Variants in NELL1 observed in about 807,000 individuals in gnomAD.
The protein encoded by NELL1 is protein kinase C-binding protein NELL1.
Under a neutral mutation model 107.4 loss-of-function variants are expected in NELL1, and 76 were observed. The ratio of observed to expected loss-of-function variants is 0.71; its 90% CI spans 0.59 to 0.86. The LOEUF is 0.86. Among genes scored for constraint, NELL1 ranks in the 40% least tolerant of loss-of-function variants. The probability of loss-of-function intolerance (pLI) is 0.00; values close to 1 mark genes in which losing one functional copy is unlikely to be tolerated. For missense variants in NELL1, 1,024 were observed against 1,005.5 expected (o/e 1.02, Z -0.25); for synonymous variants, 353 against 341.2 (o/e 1.03, Z -0.38).
intron 9 of NELL1, among the ~76,000 whole-genome samples, chr11:20,934,920 A>AAGGACCTATCC (rs1382697424): frequency 2.0e-5 from 3 of 152,218 alleles, no homozygotes; most frequent in Non-Finnish European, 4.4e-5. Flanking sequence ...GAAGGGAGGA[A>AAGGACCTATCC]AGGACCTATC....
chr11:20,786,961 T>G (rs1330285683), intron 3 of NELL1, among the ~76,000 whole-genome samples: 5 of 120,168 alleles, frequency 4.2e-5, no homozygotes, highest in Non-Finnish European at 8.0e-5. Context: ...TGAGCCGAGA[T>G]GGCGCCACTG....
intron 2 of NELL1, among the ~76,000 whole-genome samples, chr11:20,690,793 A>C (rs1286101672): frequency 6.6e-6 from 1 of 150,772 alleles, no homozygotes; most frequent in Non-Finnish European, 1.5e-5. Context: ...TATGAACTTT[A>C]AAGTAGTTTT....
chr11:21,420,815 G>T (rs968635437), intron 15 of NELL1, among the ~76,000 whole-genome samples: 1 of 152,102 alleles, frequency 6.6e-6, no homozygotes, highest in African/African-American at 2.4e-5. Flanking sequence ...CTTCAAAATG[G>T]CAGTATCCCA....
intron 4 of NELL1, among the ~76,000 whole-genome samples, chr11:20,858,726 G>A (rs955904194): frequency 6.6e-6 from 1 of 152,174 alleles, no homozygotes; most frequent in Non-Finnish European, 1.5e-5. Context: ...TAGCCCCCTG[G>A]GGGTGGGGAG....
At chr11:20,791,557 T>C (rs1164842536) in intron 3 of NELL1, among the ~76,000 whole-genome samples, 1 of 152,142 alleles carries the variant, frequency 6.6e-6, no homozygotes, top group Admixed American at 6.5e-5. Flanking sequence ...TGCTGCCTGT[T>C]AGTTCATTTT....
chr11:21,168,109 A>G (rs1457285684), intron 13 of NELL1, among the ~76,000 whole-genome samples: 2 of 151,846 alleles, frequency 1.3e-5, no homozygotes, highest in Non-Finnish European at 2.9e-5. Context: ...GAAAATATCT[A>G]GAACACAATT....
intron 5 of NELL1, among the ~76,000 whole-genome samples, chr11:20,886,459 A>T (rs1443594614): frequency 6.6e-6 from 1 of 152,114 alleles, no homozygotes; most frequent in African/African-American, 2.4e-5. Context: ...TCGATAAAAT[A>T]CCACAAAAAT....
intron 2 of NELL1, among the ~76,000 whole-genome samples, chr11:20,704,480 A>C (rs1854886173): frequency 6.6e-6 from 1 of 152,176 alleles, no homozygotes; most frequent in African/African-American, 2.4e-5. Context: ...TGTGTCTTTT[A>C]ATTGGAGCAT....
At chr11:21,315,821 T>C (rs1849867077) in intron 14 of NELL1, among the ~76,000 whole-genome samples, 1 of 152,016 alleles carries the variant, frequency 6.6e-6, no homozygotes, top group African/African-American at 2.4e-5. Flanking sequence ...AAAACTGTTG[T>C]CCAGTGAGTC....
intron 13 of NELL1, among the ~76,000 whole-genome samples, chr11:21,131,266 G>C (rs987360815): frequency 6.6e-6 from 1 of 152,148 alleles, no homozygotes; most frequent in East Asian, 1.9e-4. Flanking sequence ...TCTGGATATA[G>C]TTGTTTGGAT....
intron 3 of NELL1, among the ~76,000 whole-genome samples, chr11:20,801,964 C>T (rs1038630279): frequency 6.6e-6 from 1 of 152,192 alleles, no homozygotes; most frequent in South Asian, 2.1e-4. Context: ...ATGCCAGTGC[C>T]ATGCCATTTG....
chr11:20,677,560 A>G (rs796133724), intron 1 of NELL1, among the ~76,000 whole-genome samples: 37 of 152,324 alleles, frequency 2.4e-4, no homozygotes, highest in African/African-American at 7.5e-4. Context: ...TGCTTCAGAA[A>G]TGTTGTACTT....
At chr11:21,437,194 A>G (rs896347072) in intron 15 of NELL1, among the ~76,000 whole-genome samples, 6 of 152,178 alleles carry the variant, frequency 3.9e-5, no homozygotes, top group East Asian at 1.9e-4. Flanking sequence ...GGTCTGCCCA[A>G]TGATCAAAGT....
At chr11:21,317,541 C>T (rs1284628838) in intron 14 of NELL1, among the ~76,000 whole-genome samples, 1 of 129,146 alleles carries the variant, frequency 7.7e-6, no homozygotes, top group Non-Finnish European at 1.7e-5. Context: ...AGGTGGAAGG[C>T]ACTCTTCTGG....
chr11:21,481,987 T>C (rs183049763), intron 15 of NELL1, among the ~76,000 whole-genome samples: 68 of 152,268 alleles, frequency 4.5e-4, no homozygotes, highest in African/African-American at 1.5e-3. Context: ...ATGGGTGACC[T>C]TGAGCATAGT....
intron 13 of NELL1, among the ~76,000 whole-genome samples, chr11:21,195,098 C>T (rs1263975919): frequency 1.3e-5 from 2 of 152,068 alleles, no homozygotes; most frequent in African/African-American, 2.4e-5. Context: ...AAAATTATTA[C>T]CTTTCAAGGT....
At chr11:21,559,776 G>T (rs146164644) in intron 16 of NELL1, among the ~76,000 whole-genome samples, 71 of 152,206 alleles carry the variant, frequency 4.7e-4, no homozygotes, top group African/African-American at 1.7e-3. Context: ...CCATGGTGGT[G>T]TGTGCATACT....
intron 12 of NELL1, among the ~76,000 whole-genome samples, chr11:20,999,863 C>G (rs969576935): frequency 6.6e-6 from 1 of 152,072 alleles, no homozygotes; most frequent in Non-Finnish European, 1.5e-5. Flanking sequence ...TTGTTTTCTT[C>G]ATTATGGTGT....
intron 15 of NELL1, among the ~76,000 whole-genome samples, chr11:21,439,627 C>A (rs984229731): frequency 6.6e-6 from 1 of 152,118 alleles, no homozygotes; most frequent in Admixed American, 6.6e-5. Context: ...CTTTTGGGAT[C>A]ATTTCTTACT....
Sources: allele counts gnomAD v4.1 joint callset (sites outside exome capture counted in the v4.1 genomes callset), GRCh38; gene constraint gnomAD v4.1.1; transcripts MANE v1.5; gene names NCBI Gene and HGNC (gene_info 2026-07-23, HGNC 2026-07-21).